Variants in PCDHA3 observed in about 807,000 individuals in gnomAD.
PCDHA3 encodes protocadherin alpha 3, also known as protocadherin alpha-3.
A neutral mutation model predicts 62.2 loss-of-function variants in PCDHA3; 41 were observed. The observed-to-expected ratio is 0.66, with a 90% CI of 0.51 to 0.86. The LOEUF (loss-of-function observed/expected upper bound fraction) is 0.86. Among genes scored for constraint, PCDHA3 ranks in the 40% least tolerant of loss-of-function variants. The pLI is 0.00. For missense variants in PCDHA3, 1,304 were observed against 1,241.2 expected (o/e 1.05, Z -0.76); for synonymous variants, 640 against 555.4 (o/e 1.15, Z -2.14).
At chr5:140,882,717 C>T (rs1311295002) in intron 1 of PCDHA3, 1 of 1,614,102 alleles carries the variant, frequency 6.2e-7, no homozygotes, top group Non-Finnish European at 8.5e-7. Context: ...CCTCCGGAAA[C>T]TCGATTTCCA....
At chr5:140,857,475 T>C in intron 1 of PCDHA3, 2 of 1,598,608 alleles carry the variant, frequency 1.3e-6, no homozygotes, top group Non-Finnish European at 1.7e-6. Flanking sequence ...ATCTTCACGG[T>C]GTCTGCGTGG....
intron 1 of PCDHA3, chr5:140,834,842 A>C: frequency 6.2e-7 from 1 of 1,611,330 alleles, no homozygotes; most frequent in Non-Finnish European, 8.5e-7. Flanking sequence ...CTCGGTTTCC[A>C]CTAGAGGGCG....
chr5:140,965,012 C>T (rs1405445486), intron 1 of PCDHA3, among the ~76,000 whole-genome samples: 2 of 152,188 alleles, frequency 1.3e-5, no homozygotes, highest in African/African-American at 4.8e-5. Flanking sequence ...GTCAGGATCA[C>T]AACCTTGGCT....
At chr5:140,998,779 G>T (rs782154283) in intron 3 of PCDHA3, among the ~76,000 whole-genome samples, 3 of 152,140 alleles carry the variant, frequency 2.0e-5, no homozygotes, top group Non-Finnish European at 4.4e-5. Context: ...GGTCAGGCTG[G>T]TCTGGAACCC....
Position 140,858,065 on chromosome 5 carries a change from C to T in PCDHA3, c.2394+54474C>T, listed in dbSNP as rs200661444. 1.2e-3 allele frequency: 1,989 copies of T among 1,597,646 alleles called. 147 individuals carry two copies. Among genetic ancestry groups the T allele is most frequent in the Non-Finnish European group, 1.1e-3 (1,233 of 1,167,558 alleles). Reference sequence around the variant, plus strand: ...GCTTGTGTCGCTTGTGGAGGGCAGCCAGGCACCCAAGGCCTCGTCGCGGGC... The same window carrying T: ...GCTTGTGTCGCTTGTGGAGGGCAGCTAGGCACCCAAGGCCTCGTCGCGGGC... On this transcript the variant is annotated intron_variant, in intron 1 of 3. Transcript: ENST00000522353.
chr5:140,849,671 C>T (rs2150444365), intron 1 of PCDHA3: 6 of 1,598,630 alleles, frequency 3.8e-6, no homozygotes, highest in Middle Eastern at 1.7e-4. Flanking sequence ...TGACGCCCCA[C>T]GTCCCCTTCA....
At chr5:140,851,909 A>G in intron 1 of PCDHA3, 1 of 970,994 alleles carries the variant, frequency 1.0e-6, no homozygotes, top group Non-Finnish European at 1.2e-6. Context: ...CTTTAATGTC[A>G]CTACATGTTA....
At chr5:140,973,720 A>G (rs781883210) in intron 1 of PCDHA3, among the ~76,000 whole-genome samples, 1 of 152,194 alleles carries the variant, frequency 6.6e-6, no homozygotes, top group Non-Finnish European at 1.5e-5. Flanking sequence ...GAGCCATCAC[A>G]TGGGCATCTG....
intron 1 of PCDHA3, among the ~76,000 whole-genome samples, chr5:140,910,320 A>G (rs1362740704): frequency 1.3e-5 from 2 of 152,212 alleles, no homozygotes; most frequent in African/African-American, 4.8e-5. Flanking sequence ...CATGAGTCAG[A>G]CTATTGTGAT....
chr5:140,853,646 G>T (rs1277332064), intron 1 of PCDHA3: 1 of 988,662 alleles, frequency 1.0e-6, no homozygotes, highest in Non-Finnish European at 1.2e-6. Flanking sequence ...CCTAAATTGA[G>T]CCTGTTCCAG....
intron 1 of PCDHA3, chr5:140,884,593 C>A: frequency 6.2e-7 from 1 of 1,614,162 alleles, no homozygotes; most frequent in Non-Finnish European, 8.5e-7. Flanking sequence ...TCAGTCCCAG[C>A]CTTCCTCCTT....
Position 140,850,921 on chromosome 5 carries a change from T to G in PCDHA3, c.2394+47330T>G, listed in dbSNP as rs2150502315. 43 of 1,526,092 alleles carry G rather than the reference T, an allele frequency of 2.8e-5. 3 individuals carry two copies. In the African/African-American group the frequency reaches 3.6e-4, roughly 13 times the overall value. 94.5% of individuals were successfully genotyped at this position (1,526,092 alleles called of 1,614,324 possible). ...TTTTCTAGCATTTTATTTATTTATA[T>G]AATTTTTTTTCTTGAAAGATATTAT... On this transcript the variant is annotated intron_variant, in intron 1 of 3. Coordinates refer to ENST00000522353, the MANE Select transcript of PCDHA3 (RefSeq NM_018906.3).
At chr5:140,999,244 G>A (rs1554256717) in intron 3 of PCDHA3, among the ~76,000 whole-genome samples, 1 of 152,210 alleles carries the variant, frequency 6.6e-6, no homozygotes, top group African/African-American at 2.4e-5. Flanking sequence ...GTTAAAGTGG[G>A]AGTTGGATTA....
intron 1 of PCDHA3, among the ~76,000 whole-genome samples, chr5:140,826,796 T>C (rs1158951644): frequency 6.6e-6 from 1 of 152,184 alleles, no homozygotes; most frequent in Non-Finnish European, 1.5e-5. Flanking sequence ...AAAAAGTTGA[T>C]TACCTAACAT....
At chr5:140,954,787 T>C (rs2095088208) in intron 1 of PCDHA3, among the ~76,000 whole-genome samples, 1 of 152,218 alleles carries the variant, frequency 6.6e-6, no homozygotes, top group African/African-American at 2.4e-5. Flanking sequence ...TAGATCTCAT[T>C]TGTCAATTTT....
chr5:140,973,803 G>C (rs1232498397), intron 1 of PCDHA3, among the ~76,000 whole-genome samples: 2 of 152,214 alleles, frequency 1.3e-5, no homozygotes, highest in African/African-American at 2.4e-5. Flanking sequence ...CTGTCTACTT[G>C]ACAGAATAGC....
chr5:140,801,973 C>T lies in PCDHA3; in HGVS notation c.776C>T (p.Thr259Ile). ...TTACTCGAAAATGCACCAAATGGTA[C>T]CCTAGTGGTGACCGTTAACGCCACC... ...VRLLENAPNG[T>I]LVVTVNATDL... The change falls in exon 1 of 4, where the codon ACC (threonine) becomes ATC (isoleucine). Residue 259 changes from threonine (T) to isoleucine (I), a missense_variant. Transcript: ENST00000522353. 18 of 1,614,146 alleles carry T rather than the reference C, an allele frequency of 1.1e-5. No homozygotes were observed. Among genetic ancestry groups the T allele is most frequent in the Non-Finnish European group, 1.5e-5 (18 of 1,180,034 alleles).
Position 140,828,413 on chromosome 5 carries a change from G to A in PCDHA3, c.2394+24822G>A, listed in dbSNP as rs2150155063. ...CGCGGAGTGCAGCATCCACCTGGAG[G>A]TGATCGTGGACAGGCCGCTGCAGGT... is the stretch of plus-strand genomic sequence containing the variant. On this transcript the variant is annotated intron_variant, in intron 1 of 3. Transcript: ENST00000522353. 3.3e-5 allele frequency: 54 copies of A among 1,614,278 alleles called. No homozygotes were observed. The Admixed American group carries it at 8.7e-4, about 26-fold the overall frequency.
chr5:140,966,753 C>G, intron 1 of PCDHA3: 3 of 1,433,176 alleles, frequency 2.1e-6, no homozygotes, highest in South Asian at 1.5e-5. Flanking sequence ...CTGCCTCCGC[C>G]GCGGCCAGTG....
Sources: gnomAD v4.1 joint callset for allele counts (sites outside exome capture counted in the v4.1 genomes callset) on GRCh38, gnomAD v4.1.1 for gene constraint, MANE v1.5 for transcripts, NCBI Gene and HGNC (gene_info 2026-07-23, HGNC 2026-07-21) for gene names.